The following SF3B1 variants were observed in gnomAD, a reference collection of about 807,000 sequenced individuals.
The protein encoded by SF3B1 is splicing factor 3b subunit 1.
SF3B1 carries 12 observed loss-of-function variants against 153.8 expected under a neutral mutation model. The observed-to-expected ratio is 0.08, with a 90% confidence interval of 0.05 to 0.13. SF3B1 has a LOEUF of 0.13. Ranked by LOEUF, SF3B1 falls within the 10% of genes least tolerant of loss-of-function variation. SF3B1 has a pLI of 1.00. For missense variants in SF3B1, 513 were observed against 1,606.1 expected, an observed-to-expected ratio of 0.32 and a Z score of 11.63; for synonymous variants, 498 against 525.2, an observed-to-expected ratio of 0.95 and a Z score of 0.71.
chr2:197,397,521 C>T (rs955014524), intron 22 of SF3B1, among the ~76,000 whole-genome samples: 17 of 152,148 alleles, frequency 1.1e-4, no homozygotes, highest in Admixed American at 1.3e-4. Context: ...ACAGGCTGTG[C>T]GCAGTGGCTC....
intron 2 of SF3B1, among the ~76,000 whole-genome samples, chr2:197,422,451 A>T (rs1159397220): frequency 1.3e-5 from 2 of 152,092 alleles, no homozygotes; most frequent in African/African-American, 4.8e-5. Context: ...GATATACCTA[A>T]CGTAAATGAC....
intron 1 of SF3B1, among the ~76,000 whole-genome samples, chr2:197,433,357 A>C (rs1017340052): frequency 2.6e-5 from 4 of 152,242 alleles, no homozygotes; most frequent in Non-Finnish European, 5.9e-5. Context: ...AATTCAGGAA[A>C]ACTGATCAGA....
chr2:197,431,829 T>TA (rs1015695426), intron 1 of SF3B1, among the ~76,000 whole-genome samples: 2 of 152,050 alleles, frequency 1.3e-5, no homozygotes, highest in Non-Finnish European at 2.9e-5. Flanking sequence ...TTAATTCTAT[T>TA]AAAAAAAATT....
Position 197,420,509 on chromosome 2 carries a change from T to C in SF3B1, c.334A>G (p.Ile112Val), listed in dbSNP as rs746393674. ...TTGTATTCATCTTCCCGGTCTGCAA[T>C]CTTTGGAGGTCTGTGCTCAGCAAAT... ...DPFAEHRPPKIADREDEYKKH... is the reference protein window; with the variant it reads ...DPFAEHRPPKVADREDEYKKH... The change falls in exon 4 of 25, where the codon ATT (isoleucine) becomes GTT (valine). Residue 112 changes from isoleucine to valine, a missense_variant. Ile to Val is a conservative substitution (Grantham distance 29, BLOSUM62 3). This residue lies in a region of SF3B1 where 56 missense variants were observed against 75.6 expected (regional missense o/e 0.74). Coordinates refer to ENST00000335508, the MANE Select transcript of SF3B1 (RefSeq NM_012433.4). 1 of 1,613,244 alleles carries C rather than the reference T, an allele frequency of 6.2e-7. No homozygotes were observed. The highest frequency in any genetic ancestry group is 8.5e-7 in the Non-Finnish European group (1 of 1,179,402).
rs1445942541 is a variant in SF3B1, at chr2:197,401,648, TAC to T, written c.2370+92_2370+93del. ...CAAATCAAACAGTATTCGTGTAACA[TAC>T]AGTTTTTTTTGTTGATTTTTAAAAA... On this transcript the variant is annotated intron_variant, in intron 16 of 24. Transcript: ENST00000335508. This position sits in a 1 kb window ranked among gnomAD's most constrained non-coding sequence, Gnocchi z 4.2. The T allele has an allele frequency of 3.0e-5, 44 of 1,486,986 alleles. No individual in the cohort carries two copies. Among genetic ancestry groups the T allele is most frequent in the South Asian group, 2.0e-4 (16 of 81,558 alleles). 92.1% of individuals were successfully genotyped at this position (1,486,986 alleles called of 1,614,324 possible).
rs1380461650 is a variant in SF3B1 at position 197,392,995 on chromosome 2, T to C, written c.3733A>G (p.Arg1245Gly). ...EGLRVAIGPC[R>G]MLQYCLQGLF... ...ACCTGTAAACAATATTGCAACATTC[T>C]ACATGGTCCAATAGCAACTCTCAGG... is the stretch of plus-strand genomic sequence containing the variant. The change falls in exon 24 of 25, where the codon AGA becomes GGA. Residue 1245 changes from arginine to glycine, a missense_variant. Physicochemically the swap from Arg to Gly is moderately radical, Grantham distance 125. This residue lies in a region of SF3B1 where 27 missense variants were observed against 126.1 expected (regional missense o/e 0.21). Coordinates refer to ENST00000335508, the MANE Select transcript of SF3B1 (RefSeq NM_012433.4). The C allele has an allele frequency of 6.2e-7, 1 of 1,609,232 alleles. No homozygotes were observed. The highest frequency in any genetic ancestry group is 8.5e-7 in the Non-Finnish European group (1 of 1,175,660).
rs758350221 is a variant in SF3B1, at chr2:197,408,077, C to T, written c.1160G>A (p.Arg387Gln). The change falls in exon 9 of 25, where the codon CGG becomes CAG. Residue 387 changes from arginine to glutamine, a missense_variant. Around this residue, in one of 21 missense-constraint regions of SF3B1, gnomAD observed 15 missense variants for 94.8 expected, o/e 0.16. Transcript: ENST00000335508. ...SMTPEQLQAWRWEREIDERNR... is the reference protein window; with the variant it reads ...SMTPEQLQAWQWEREIDERNR... ...TCTCTCATCAATTTCTCTTTCCCACCGCCAAGCCTGAAGCTGTTCAGGAGT... is the reference window on the plus strand; with the variant it reads ...TCTCTCATCAATTTCTCTTTCCCACTGCCAAGCCTGAAGCTGTTCAGGAGT... 6.2e-7 allele frequency: 1 copy of T among 1,613,512 alleles called. No homozygotes were observed. Among genetic ancestry groups the T allele is most frequent in the African/African-American group, 1.3e-5 (1 of 74,876 alleles).
intron 9 of SF3B1, among the ~76,000 whole-genome samples, chr2:197,407,648 T>A (rs1025439738): frequency 1.3e-5 from 2 of 149,306 alleles, no homozygotes; most frequent in Non-Finnish European, 3.0e-5. Context: ...CCACTGACAA[T>A]CCATAAACTT....
Position 197,401,312 on chromosome 2 carries a change from C to T in SF3B1, c.2496+88G>A. On this transcript the variant is annotated intron_variant, in intron 17 of 24. Coordinates refer to ENST00000335508, the MANE Select transcript of SF3B1 (RefSeq NM_012433.4). The surrounding 1 kb of genome is among the most constrained non-coding windows in gnomAD (Gnocchi z 4.2). Reference sequence around the variant, plus strand: ...CATATAAACTGTGAGATAATCAAGGCAAAAAATAATATACAACATGCATTC... The same window carrying T: ...CATATAAACTGTGAGATAATCAAGGTAAAAAATAATATACAACATGCATTC... 2 of 1,237,074 alleles carry T rather than the reference C, an allele frequency of 1.6e-6. No homozygotes were observed. The highest frequency in any genetic ancestry group is 2.3e-6 in the Non-Finnish European group (2 of 881,332). The allele number at this position is 1,237,074 out of a possible 1,614,324, so 76.6% of individuals were successfully genotyped here.
Position 197,401,726 on chromosome 2 carries a change from A to C in SF3B1, c.2370+16T>G. On this transcript the variant is annotated intron_variant, in intron 16 of 24. Coordinates refer to ENST00000335508, the MANE Select transcript of SF3B1 (RefSeq NM_012433.4). The surrounding 1 kb of genome is among the most constrained non-coding windows in gnomAD (Gnocchi z 4.2). ...GAAACATATCCAGTTTACATTAACA[A>C]ATCTGGAATAATTACCTTCAGCACA... 1 of 1,602,390 alleles carries C rather than the reference A, an allele frequency of 6.2e-7. No homozygotes were observed. Among genetic ancestry groups the C allele is most frequent in the South Asian group, 1.1e-5 (1 of 88,446 alleles).
chr2:197,416,571 TG>T, intron 6 of SF3B1, 169 bp downstream of exon 6: 1 of 569,894 alleles, frequency 1.8e-6, no homozygotes, highest in South Asian at 2.6e-5. Context: ...CCAACCCTGT[TG>T]GCACTCTGAT....
chr2:197,426,245 T>C (rs1401616351), intron 1 of SF3B1, among the ~76,000 whole-genome samples: 2 of 151,924 alleles, frequency 1.3e-5, no homozygotes, highest in Non-Finnish European at 2.9e-5. Context: ...TTTCATATTT[T>C]GAAAAATTTA....
chr2:197,412,044 A>C (rs1204873649), intron 6 of SF3B1, among the ~76,000 whole-genome samples: 1 of 148,588 alleles, frequency 6.7e-6, no homozygotes, highest in Admixed American at 6.8e-5. Flanking sequence ...CAGGAGGCGG[A>C]GGTTGCAACA....
chr2:197,422,770 G>A (rs2085266721), intron 2 of SF3B1, among the ~76,000 whole-genome samples: 1 of 151,510 alleles, frequency 6.6e-6, no homozygotes, highest in African/African-American at 2.4e-5. Context: ...GGCATCTGTA[G>A]TCCCAGCTAC....
intron 23 of SF3B1, chr2:197,393,441 T>C (rs2084836909): frequency 4.2e-6 from 2 of 481,544 alleles, no homozygotes; most frequent in African/African-American, 2.0e-5. Flanking sequence ...AATTAAGCCA[T>C]ATTTTCTAAT....
chr2:197,412,947 G>C (rs900288972), intron 6 of SF3B1, among the ~76,000 whole-genome samples: 5 of 140,148 alleles, frequency 3.6e-5, no homozygotes, highest in Non-Finnish European at 6.1e-5. Flanking sequence ...TCTAGTCTGG[G>C]TGACAGAGCA....
At chr2:197,409,641 T>C in intron 7 of SF3B1, 129 bp downstream of exon 7, 1 of 773,918 alleles carries the variant, frequency 1.3e-6, no homozygotes, top group Non-Finnish European at 2.2e-6. Context: ...AACTGTTCTA[T>C]TCTTAATCTG....
chr2:197,417,623 G>A (rs1472979341), intron 5 of SF3B1, among the ~76,000 whole-genome samples: 1 of 151,322 alleles, frequency 6.6e-6, no homozygotes, highest in Non-Finnish European at 1.5e-5. Context: ...CAGGCATGGC[G>A]GTGCACACCT....
chr2:197,404,803 C>T (rs2105989988), intron 11 of SF3B1: 1 of 236,386 alleles, frequency 4.2e-6, no homozygotes, highest in Admixed American at 5.3e-5. Flanking sequence ...GGAAAGACCA[C>T]ACTCCACAGC....
Sources: gnomAD v4.1 joint callset for allele counts (sites outside exome capture counted in the v4.1 genomes callset) on GRCh38, gnomAD v4.1.1 for gene constraint, gnomAD v4.1.1 regional missense constraint, Gnocchi (gnomAD v3.1) non-coding constraint, MANE v1.5 for transcripts, NCBI Gene and HGNC (gene_info 2026-07-23, HGNC 2026-07-21) for gene names.